WRN: variants seen among roughly 807,000 people sequenced by gnomAD.
WRN encodes bifunctional 3'-5' exonuclease/ATP-dependent helicase WRN.
WRN carries 149 observed loss-of-function variants against 180.7 expected under a neutral mutation model. That is an observed-to-expected ratio of 0.82 (90% CI 0.72 to 0.94). The LOEUF is 0.94. Ranked by LOEUF, WRN falls within the 40% of genes least tolerant of loss-of-function variation. The pLI, the probability that WRN is intolerant of heterozygous loss-of-function variation, is 0.00. For synonymous variants in WRN, 548 were observed against 568.9 expected, an observed-to-expected ratio of 0.96 and a Z score of 0.52; for missense variants, 1,661 against 1,700.1, an observed-to-expected ratio of 0.98 and a Z score of 0.40.
chr8:31,121,371 A>T (rs1039787708), intron 21 of WRN, among the ~76,000 whole-genome samples: 3 of 151,962 alleles, frequency 2.0e-5, no homozygotes, highest in African/African-American at 4.8e-5. Flanking sequence ...TTGATTGTCC[A>T]CTGTGTTCCA....
intron 1 of WRN, among the ~76,000 whole-genome samples, chr8:31,044,025 A>G (rs1445178705): frequency 6.6e-6 from 1 of 152,068 alleles, no homozygotes; most frequent in African/African-American, 2.4e-5. Context: ...TTATATATAC[A>G]TAGAATTTCA....
chr8:31,038,492 A>C (rs974760060), intron 1 of WRN, among the ~76,000 whole-genome samples: 1 of 151,978 alleles, frequency 6.6e-6, no homozygotes, highest in African/African-American at 2.4e-5. Context: ...TATGATTTGC[A>C]AATAATTTCT....
At chr8:31,170,140 A>G (rs893403403) in intron 34 of WRN, among the ~76,000 whole-genome samples, 1 of 151,982 alleles carries the variant, frequency 6.6e-6, no homozygotes, top group African/African-American at 2.4e-5. Flanking sequence ...ACATTCTTAC[A>G]GTTTTAGTTT....
At chr8:31,092,867 A>G (rs1668650430) in intron 16 of WRN, among the ~76,000 whole-genome samples, 2 of 151,982 alleles carry the variant, frequency 1.3e-5, no homozygotes, top group South Asian at 4.1e-4. Context: ...TTTGTGTAAG[A>G]CTTCTTTCAT....
chr8:31,091,028 TA>T (rs1813730763), intron 15 of WRN, 86 bp downstream of exon 15: 1 of 1,007,158 alleles, frequency 9.9e-7, no homozygotes, highest in East Asian at 2.4e-5. Context: ...TGTTAAAATC[TA>T]GTTCACAATA....
chr8:31,046,655 T>G (rs1811875189), intron 1 of WRN, among the ~76,000 whole-genome samples: 1 of 152,182 alleles, frequency 6.6e-6, no homozygotes, highest in South Asian at 2.1e-4. Flanking sequence ...TTAGCTGTCT[T>G]TGAAACCAAG....
chr8:31,145,825 G>A (rs751911132), intron 28 of WRN, among the ~76,000 whole-genome samples: 9 of 152,036 alleles, frequency 5.9e-5, no homozygotes, highest in Non-Finnish European at 1.0e-4. Flanking sequence ...GGAAGAAGTC[G>A]ATTCTTATTA....
chr8:31,131,019 TAAAA>T (rs142247690), intron 23 of WRN, among the ~76,000 whole-genome samples: 7 of 151,932 alleles, frequency 4.6e-5, no homozygotes, highest in Non-Finnish European at 8.8e-5. Flanking sequence ...GCCATTTAGT[TAAAA>T]AAAGAAAGAA....
chr8:31,068,167 A>G (rs1585412952), intron 6 of WRN, 91 bp from the exon 7 acceptor site: 1 of 930,564 alleles, frequency 1.1e-6, no homozygotes, highest in East Asian at 2.7e-5. Context: ...TGCTTTGTGA[A>G]TCATTCTCTT....
intron 33 of WRN, among the ~76,000 whole-genome samples, chr8:31,161,706 T>A (rs934263040): frequency 6.6e-6 from 1 of 151,670 alleles, no homozygotes; most frequent in African/African-American, 2.4e-5. Context: ...GGGCGTGGTG[T>A]TGGGTGCCTG....
intron 7 of WRN, among the ~76,000 whole-genome samples, chr8:31,069,232 G>T (rs960996710): frequency 1.3e-5 from 2 of 152,228 alleles, no homozygotes; most frequent in African/African-American, 4.8e-5. Flanking sequence ...CATATAAAAT[G>T]ATATGATATT....
intron 12 of WRN, among the ~76,000 whole-genome samples, chr8:31,088,580 T>G (rs1437805970): frequency 6.6e-6 from 1 of 152,134 alleles, no homozygotes; most frequent in Non-Finnish European, 1.5e-5. Flanking sequence ...ACATTTGGAT[T>G]GGTATATTGC....
chr8:31,111,688 G>C lies in WRN; in HGVS notation c.2162G>C (p.Arg721Thr), dbSNP rs1554526744. 1.2e-6 allele frequency: 2 copies of C among 1,614,074 alleles called. No homozygotes were observed. Among genetic ancestry groups the C allele is most frequent in the Non-Finnish European group, 1.7e-6 (2 of 1,179,996 alleles). The stretch of plus-strand genomic sequence containing the variant: ...GACATTGTACGTTGCTTAAATCTGA[G>C]AAATCCTCAGATCACCTGTACTGGT... The part of the protein sequence containing the change: ...REDIVRCLNL[R>T]NPQITCTGFD... Residue 721 changes from arginine (R) to threonine (T), a missense_variant, in exon 19 of 35, where the codon AGA becomes ACA. Coordinates refer to ENST00000298139, the MANE Select transcript of WRN (RefSeq NM_000553.6).
At position 31,124,572 on chromosome 8, in the gene WRN, A is replaced by G; in HGVS notation, c.2681A>G (p.Lys894Arg). ...GAGAAGTTTCGATTATACAAATTAAAGATGATGGCAAAGATGGAAAAATAT... is the reference window on the plus strand; with the variant it reads ...GAGAAGTTTCGATTATACAAATTAAGGATGATGGCAAAGATGGAAAAATAT... ...RNEKFRLYKL[K>R]MMAKMEKYLH... The change falls in exon 22 of 35, where the codon AAG becomes AGG. Residue 894 changes from lysine to arginine, a missense_variant. This residue lies in a region of WRN where 1,141 missense variants were observed against 1,149.4 expected (regional missense o/e 0.99). Transcript: ENST00000298139. 6.2e-7 allele frequency: 1 copy of G among 1,613,060 alleles called. No homozygotes were observed. Among genetic ancestry groups the G allele is most frequent in the Non-Finnish European group, 8.5e-7 (1 of 1,179,304 alleles).
chr8:31,143,484 T>C, intron 27 of WRN, 66 bp from the exon 28 acceptor site: 3 of 1,128,364 alleles, frequency 2.7e-6, no homozygotes, highest in Non-Finnish European at 3.9e-6. Flanking sequence ...TTTTGTTTCT[T>C]ATTTTCTTCA....
rs766561388 is a variant in WRN, at chr8:31,111,748, G to A, written c.2222G>A (p.Arg741Gln). The change falls in exon 19 of 35, where the codon CGA becomes CAA. Residue 741 changes from arginine to glutamine, a missense_variant. Physicochemically the swap from Arg to Gln is conservative, Grantham distance 43. Around this residue, in one of 3 missense-constraint regions of WRN, gnomAD observed 1,141 missense variants for 1,149.4 expected, o/e 0.99. Coordinates refer to ENST00000298139, the MANE Select transcript of WRN (RefSeq NM_000553.6). ...CCAAACCTGTATTTAGAAGTTAGGC[G>A]AAAAACAGGGAATATCCTTCAGGAT... ...DRPNLYLEVR[R>Q]KTGNILQDLQ... 43 of 1,613,694 alleles carry A rather than the reference G, an allele frequency of 2.7e-5. No homozygotes were observed. Among genetic ancestry groups the A allele is most frequent in the Admixed American group, 6.7e-5 (4 of 59,990 alleles).
chr8:31,150,333 A>G lies in WRN; in HGVS notation c.3573-8A>G. 1 of 1,611,282 alleles carries G rather than the reference A, an allele frequency of 6.2e-7. No individual in the cohort carries two copies. Among genetic ancestry groups the G allele is most frequent in the Middle Eastern group, 1.7e-4 (1 of 6,052 alleles). On this transcript the variant is annotated splice_polypyrimidine_tract_variant and splice_region_variant and intron_variant, in intron 30 of 34. Transcript: ENST00000298139. Reference sequence around the variant, plus strand: ...TTTTGTTGTTGTTGTTGTTGTTGTTAAACACAGACCAACTACGGTTGAAAA... The same window carrying G: ...TTTTGTTGTTGTTGTTGTTGTTGTTGAACACAGACCAACTACGGTTGAAAA...
rs562980768 is a variant in WRN at position 31,037,449 on chromosome 8, TG to T, written c.-77+3479del. On this transcript the variant is annotated intron_variant, in intron 1 of 34. Coordinates refer to ENST00000298139, the MANE Select transcript of WRN (RefSeq NM_000553.6). ...TGGTACTAATCTGTGGCCCTGGGGT[TG>T]GGAACCTCTAGCCCTGACCAATGTT... is the stretch of plus-strand genomic sequence containing the variant. Among the ~76,000 whole-genome samples, 577 of 152,348 alleles carry T rather than the reference TG, an allele frequency of 3.8e-3. 5 individuals are homozygous for T. The highest frequency in any genetic ancestry group is 0.013 in the African/African-American group (543 of 41,574).
Position 31,076,165 on chromosome 8 carries a change from C to T in WRN, c.725-8C>T, listed in dbSNP as rs2130094297. On this transcript the variant is annotated splice_region_variant and splice_polypyrimidine_tract_variant and intron_variant, in intron 7 of 34. Coordinates refer to ENST00000298139, the MANE Select transcript of WRN (RefSeq NM_000553.6). ...TTGAAAATTAATATTGATTTTTTTTCCCCCTAGAGGAAGAAATCCTACTTA... is the reference window on the plus strand; with the variant it reads ...TTGAAAATTAATATTGATTTTTTTTTCCCCTAGAGGAAGAAATCCTACTTA... The T allele has an allele frequency of 1.3e-6, 2 of 1,599,736 alleles. No homozygotes were observed. Among genetic ancestry groups the T allele is most frequent in the Non-Finnish European group, 1.7e-6 (2 of 1,167,462 alleles).
Sources: allele counts gnomAD v4.1 joint callset (sites outside exome capture counted in the v4.1 genomes callset), GRCh38; gene constraint gnomAD v4.1.1; regional missense constraint gnomAD v4.1.1; transcripts MANE v1.5; gene names NCBI Gene and HGNC (gene_info 2026-07-23, HGNC 2026-07-21).